The following XRCC3 variants were observed in gnomAD, a reference collection of about 807,000 sequenced individuals.
XRCC3 encodes X-ray repair cross complementing 3.
In XRCC3, 34 loss-of-function variants were observed where a neutral mutation model predicts 29.2. The observed-to-expected ratio is 1.16, with a 90% CI of 0.88 to 1.55. The LOEUF is 1.55. XRCC3 is among the 40% of genes most tolerant of loss of function. The pLI is 0.00. For missense variants in XRCC3, 463 were observed against 467.6 expected, an observed-to-expected ratio of 0.99 and a Z score of 0.09; for synonymous variants, 223 against 211.3, an observed-to-expected ratio of 1.06 and a Z score of -0.48.
At position 103,699,527 on chromosome 14, in the gene XRCC3, C is replaced by G. The variant is rs756095186; in HGVS notation, c.611G>C (p.Arg204Pro). Residue 204 changes from arginine to proline, a missense_variant, in exon 8 of 10, where the codon CGG (arginine) becomes CCG (proline). Coordinates refer to ENST00000555055, the MANE Select transcript of XRCC3 (RefSeq NM_005432.4). ...VNKKVPVLLS[R>P]GMARLVVIDS... The stretch of plus-strand genomic sequence containing the variant: ...GATGACCACCAGGCGAGCCATGCCC[C>G]GAGACAGCAGTACGGGGACCTTCTT... The G allele has an allele frequency of 6.2e-7, 1 of 1,613,474 alleles. No homozygotes were observed. Among genetic ancestry groups the G allele is most frequent in the East Asian group, 2.2e-5 (1 of 44,868 alleles).
chr14:103,709,397 G>A (rs1034880362), intron 4 of XRCC3: 1 of 157,278 alleles, frequency 6.4e-6, no homozygotes, highest in Non-Finnish European at 1.4e-5. Flanking sequence ...CACACGAGAG[G>A]GAGCAGTGGT....
At chr14:103,708,984 A>C in intron 4 of XRCC3, 11 of 368,522 alleles carry the variant, frequency 3.0e-5, no homozygotes, top group Non-Finnish European at 3.7e-5. Context: ...ACTGAGAAGA[A>C]ACGACAGGCA....
intron 7 of XRCC3, among the ~76,000 whole-genome samples, chr14:103,700,925 T>TA (rs988529289): frequency 4.6e-5 from 7 of 152,156 alleles, no homozygotes; most frequent in Non-Finnish European, 4.4e-5. Flanking sequence ...GGGGTGGGAA[T>TA]GGCACCAGGC....
chr14:103,699,647 A>C, intron 7 of XRCC3, 71 bp from the exon 8 acceptor site: 1 of 1,510,958 alleles, frequency 6.6e-7, no homozygotes, highest in Admixed American at 1.7e-5. Flanking sequence ...CCCCGTTTGG[A>C]CTGTCACTCG....
Position 103,698,315 on chromosome 14 carries a change from T to G in XRCC3, c.*483A>C. On this transcript the variant is annotated 3_prime_UTR_variant, in exon 10 of 10. Coordinates refer to ENST00000555055, the MANE Select transcript of XRCC3 (RefSeq NM_005432.4). ...AGGAGCCGCCTGCCTGCAGCCCCAC[T>G]GTGGCCTGAGTGGTGGGGGAGTAAG... 1 of 182,616 alleles carries G rather than the reference T, an allele frequency of 5.5e-6. No homozygotes were observed. Among genetic ancestry groups the G allele is most frequent in the Non-Finnish European group, 1.2e-5 (1 of 86,000 alleles). 11.3% of individuals were successfully genotyped at this position (182,616 alleles called of 1,614,324 possible). A position where few individuals can be genotyped will look rare whatever the true frequency, so the allele number is the denominator to read the frequency against.
chr14:103,703,818 T>C (rs777332222), intron 6 of XRCC3: 12 of 206,766 alleles, frequency 5.8e-5, no homozygotes, highest in Non-Finnish European at 1.2e-4. Context: ...CATGGTGAAA[T>C]TCAAAAAGCC....
chr14:103,708,395 G>T, intron 5 of XRCC3, 127 bp downstream of exon 5: 2 of 1,390,940 alleles, frequency 1.4e-6, no homozygotes, highest in Non-Finnish European at 2.0e-6. Context: ...CTCTGGGGCT[G>T]GAGCAGCTGC....
At position 103,701,251 on chromosome 14, in the gene XRCC3, A is replaced by T. The variant is rs949553381; in HGVS notation, c.562-1675T>A. 4 of 1,544,086 alleles carry T rather than the reference A, an allele frequency of 2.6e-6. No homozygotes were observed. In the African/African-American group the frequency reaches 5.5e-5, roughly 21 times the overall value. Reference sequence around the variant, plus strand: ...GATGGGACTGCCGAGTGTGGCCCGGAGCTGGCCCGGGACAGCCAGGGCGGC... The same window carrying T: ...GATGGGACTGCCGAGTGTGGCCCGGTGCTGGCCCGGGACAGCCAGGGCGGC... On this transcript the variant is annotated intron_variant, in intron 7 of 9. Transcript: ENST00000555055.
At chr14:103,711,861 C>G (rs953578680) in intron 2 of XRCC3, 5 of 371,908 alleles carry the variant, frequency 1.3e-5, no homozygotes, top group Admixed American at 6.7e-5. Context: ...CCCCTGTCGG[C>G]CTCCCAAATG....
At chr14:103,701,247 CCGG>C in intron 7 of XRCC3, 2 of 1,545,470 alleles carry the variant, frequency 1.3e-6, no homozygotes, top group Non-Finnish European at 1.7e-6. Flanking sequence ...CGAGTGTGGC[CCGG>C]AGCTGGCCCG....
At chr14:103,707,399 G>A (rs907078914) in intron 5 of XRCC3, 184 bp from the exon 6 acceptor site, 5 of 728,408 alleles carry the variant, frequency 6.9e-6, no homozygotes, top group Non-Finnish European at 1.2e-5. Flanking sequence ...AAGGGCGGGT[G>A]CACCTGAGAT....
At chr14:103,699,332 G>A in intron 8 of XRCC3, 32 bp downstream of exon 8, 1 of 1,570,318 alleles carries the variant, frequency 6.4e-7, no homozygotes, top group Non-Finnish European at 8.6e-7. Flanking sequence ...AAAAATACGA[G>A]CTCAGGGGTG....
intron 7 of XRCC3, chr14:103,702,907 T>C (rs1319836752): frequency 1.2e-5 from 6 of 520,490 alleles, no homozygotes; most frequent in East Asian, 3.6e-5. Context: ...AGAGGCCGTC[T>C]GATCCCCAAG....
At position 103,699,113 on chromosome 14, in the gene XRCC3, C is replaced by T. The variant is rs1201338552; in HGVS notation, c.821+20G>A. The T allele has an allele frequency of 1.9e-6, 3 of 1,571,460 alleles. No homozygotes were observed. The highest frequency in any genetic ancestry group is 2.6e-6 in the Non-Finnish European group (3 of 1,158,640). On this transcript the variant is annotated intron_variant, in intron 9 of 9. Coordinates refer to ENST00000555055, the MANE Select transcript of XRCC3 (RefSeq NM_005432.4). Reference sequence around the variant, plus strand: ...CCTGGCACCTGCACAGAGGTGCACACACCACATGGCTGCACTCACCCCAGC... The same window carrying T: ...CCTGGCACCTGCACAGAGGTGCACATACCACATGGCTGCACTCACCCCAGC...
chr14:103,701,032 C>T (rs1455503904), intron 7 of XRCC3, among the ~76,000 whole-genome samples: 1 of 152,246 alleles, frequency 6.6e-6, no homozygotes, highest in Non-Finnish European at 1.5e-5. Context: ...ACCAAAGACG[C>T]ACCAGTCCCC....
At chr14:103,702,586 A>C (rs2083267928) in intron 7 of XRCC3, 1 of 156,468 alleles carries the variant, frequency 6.4e-6, no homozygotes, top group Non-Finnish European at 1.4e-5. Flanking sequence ...GTTACATCTG[A>C]GTTTCAGATC....
intron 2 of XRCC3, chr14:103,711,778 C>T (rs1056112853): frequency 1.6e-5 from 7 of 450,126 alleles, no homozygotes; most frequent in Non-Finnish European, 2.7e-5. Context: ...CTCTTCTCCC[C>T]TCCGGCCTCA....
rs748230682 is a variant in XRCC3, at chr14:103,699,532, C to T, written c.606G>A (p.Leu202=). The part of the protein sequence containing the change: ...ECVNKKVPVL[L]SRGMARLVVI... ...CCACCAGGCGAGCCATGCCCCGAGACAGCAGTACGGGGACCTTCTTATTCA... is the reference window on the plus strand; with the variant it reads ...CCACCAGGCGAGCCATGCCCCGAGATAGCAGTACGGGGACCTTCTTATTCA... Residue 202 remains leucine (L), a synonymous_variant, in exon 8 of 10, where the codon CTG becomes CTA. Transcript: ENST00000555055. 40 of 1,613,432 alleles carry T rather than the reference C, an allele frequency of 2.5e-5. No homozygotes were observed. Among genetic ancestry groups the T allele is most frequent in the Non-Finnish European group, 3.1e-5 (37 of 1,179,968 alleles).
intron 1 of XRCC3, among the ~76,000 whole-genome samples, chr14:103,714,715 T>C (rs546150926): frequency 3.9e-5 from 6 of 152,362 alleles, no homozygotes; most frequent in East Asian, 1.9e-4. Flanking sequence ...AGTCTTTTTC[T>C]GTAGCCCAGG....
Sources: gnomAD v4.1 joint callset for allele counts (sites outside exome capture counted in the v4.1 genomes callset) on GRCh38, gnomAD v4.1.1 for gene constraint, MANE v1.5 for transcripts, NCBI Gene and HGNC (gene_info 2026-07-23, HGNC 2026-07-21) for gene names.